Variants in DST observed in about 807,000 individuals in gnomAD.
DST encodes the protein dystonin, also known as bullous pemphigoid antigen.
In DST, 253 loss-of-function variants were observed where a neutral mutation model predicts 875.2. The ratio of observed to expected loss-of-function variants is 0.29; its 90% CI spans 0.26 to 0.32. The LOEUF (loss-of-function observed/expected upper bound fraction) is 0.32. Among genes scored for constraint, DST ranks in the 10% least tolerant of loss-of-function variants. DST has a pLI of 1.00. For missense variants in DST, 8,287 were observed against 9,111.6 expected (o/e 0.91, Z 3.68); for synonymous variants, 3,124 against 3,197.1 (o/e 0.98, Z 0.77).
In DST at chr6:56,472,234, T is replaced by C. The variant is rs763552868; in HGVS notation, c.21995-12A>G. On this transcript the variant is annotated splice_polypyrimidine_tract_variant and intron_variant, in intron 93 of 103. Transcript: ENST00000680361. ...TGGAAAGCGTTTTCCTGTGAAGGTA[T>C]AACTTCGGTTAGGATGGCAGTTTCC... The C allele has an allele frequency of 6.2e-7, 1 of 1,612,032 alleles. No homozygotes were observed. The highest frequency in any genetic ancestry group is 8.5e-7 in the Non-Finnish European group (1 of 1,178,838).
chr6:56,745,591 C>CA (rs1043585327), intron 4 of DST, among the ~76,000 whole-genome samples: 1 of 151,118 alleles, frequency 6.6e-6, no homozygotes, highest in African/African-American at 2.4e-5. Context: ...AGTCATGAAC[C>CA]AAAAAAAACT....
intron 2 of DST, among the ~76,000 whole-genome samples, chr6:56,913,735 C>T (rs553099950): frequency 1.3e-5 from 2 of 152,296 alleles, no homozygotes; most frequent in African/African-American, 4.8e-5. Context: ...CAGTCAACAA[C>T]CTAGTCTATG....
Position 56,635,035 on chromosome 6 carries a change from C to A in DST, c.3187-82G>T, listed in dbSNP as rs931841821. 2.5e-6 allele frequency: 3 copies of A among 1,208,274 alleles called. No homozygotes were observed. The African/African-American group carries it at 4.5e-5, about 18-fold the overall frequency. The allele number at this position is 1,208,274 out of a possible 1,614,324, so 74.8% of individuals were successfully genotyped here. ...TCAGCACTTTACACAAATTAAACTT[C>A]ATCAGAAAAGTCTTCTCTCTGACTA... On this transcript the variant is annotated intron_variant, in intron 24 of 103. Transcript: ENST00000680361.
chr6:56,466,930 C>T (rs1582142332), intron 98 of DST: 1 of 152,180 alleles, frequency 6.6e-6, no homozygotes, highest in Non-Finnish European at 1.5e-5. Flanking sequence ...ACTGTTGATA[C>T]TAACAGGCAA....
intron 94 of DST, among the ~76,000 whole-genome samples, chr6:56,471,624 A>G (rs940448635): frequency 6.6e-6 from 1 of 152,188 alleles, no homozygotes; most frequent in Non-Finnish European, 1.5e-5. Flanking sequence ...CTCCCTCTGC[A>G]CTATTAGCCA....
intron 59 of DST, 87 bp downstream of exon 59, chr6:56,557,232 C>G: frequency 7.7e-7 from 1 of 1,305,052 alleles, no homozygotes; most frequent in Non-Finnish European, 1.1e-6. Context: ...CACCTACTGA[C>G]CAAAGTTAAT....
chr6:56,916,831 CAGAG>C (rs913142345), intron 2 of DST, among the ~76,000 whole-genome samples: 3 of 119,918 alleles, frequency 2.5e-5, no homozygotes, highest in Non-Finnish European at 5.4e-5. Flanking sequence ...CACAGAGAGA[CAGAG>C]AGAGAAAAGC....
At chr6:56,564,921 T>TA (rs964393601) in intron 55 of DST, among the ~76,000 whole-genome samples, 18 of 152,126 alleles carry the variant, frequency 1.2e-4, no homozygotes, top group African/African-American at 4.3e-4. Flanking sequence ...AAGCCGATTT[T>TA]ATCGTGGTGG....
chr6:56,918,189 T>C (rs1190339102), intron 2 of DST, among the ~76,000 whole-genome samples: 1 of 151,530 alleles, frequency 6.6e-6, no homozygotes, highest in Non-Finnish European at 1.5e-5. Context: ...TGTGGTGGCA[T>C]GATCTTGGCT....
Position 56,458,073 on chromosome 6 carries a change from A to G in DST, c.*932T>C, listed in dbSNP as rs1311315499. 1 of 152,450 alleles carries G rather than the reference A, an allele frequency of 6.6e-6. No homozygotes were observed. The highest frequency in any genetic ancestry group is 6.6e-5 in the Admixed American group (1 of 15,266). 9.4% of individuals were successfully genotyped at this position (152,450 alleles called of 1,614,324 possible). ...GAGTACACATAATAAATTAAAATGT[A>G]TATATTTATTAAATATAGATAGATA... On this transcript the variant is annotated 3_prime_UTR_variant, in exon 104 of 104. Coordinates refer to ENST00000680361, the MANE Select transcript of DST (RefSeq NM_001374736.1).
At chr6:56,627,694 A>G (rs2098746695) in intron 33 of DST, among the ~76,000 whole-genome samples, 2 of 152,178 alleles carry the variant, frequency 1.3e-5, no homozygotes, top group Non-Finnish European at 2.9e-5. Flanking sequence ...CTAGAAAACT[A>G]TTGAGGCCAG....
At chr6:56,536,964 A>G (rs1562633852) in intron 61 of DST, 24 bp from the exon 62 acceptor site, 2 of 1,603,618 alleles carry the variant, frequency 1.2e-6, no homozygotes, top group African/African-American at 1.3e-5. Flanking sequence ...AGTAATAATT[A>G]TATGAGTTAT....
chr6:56,499,550 A>T (rs377237217), intron 80 of DST, among the ~76,000 whole-genome samples: 19 of 152,280 alleles, frequency 1.2e-4, no homozygotes, highest in East Asian at 1.2e-3. Context: ...AAAGCAGGAA[A>T]GGAACGGAAA....
At chr6:56,561,267 T>C in intron 57 of DST, 41 bp downstream of exon 57, 1 of 1,559,178 alleles carries the variant, frequency 6.4e-7, no homozygotes, top group Non-Finnish European at 8.7e-7. Context: ...TGCTAATCCA[T>C]TCTCTTTCAT....
rs371893462 is a variant in DST, at chr6:56,821,334, G to A, written c.625+30063C>T. Among the ~76,000 whole-genome samples, 51 of 152,316 alleles carry A rather than the reference G, an allele frequency of 3.3e-4. No homozygotes were observed. In the East Asian group the frequency reaches 6.9e-3, roughly 21 times the overall value. On this transcript the variant is annotated intron_variant, in intron 4 of 103. Transcript: ENST00000680361. ...CGATTCATGTCAAATTCGTGGCAATGTTTACACAGCACAGAATGAAGCTTG... is the reference window on the plus strand; with the variant it reads ...CGATTCATGTCAAATTCGTGGCAATATTTACACAGCACAGAATGAAGCTTG...
intron 4 of DST, among the ~76,000 whole-genome samples, chr6:56,783,854 G>A (rs145988273): frequency 2.6e-4 from 39 of 152,230 alleles, no homozygotes; most frequent in Admixed American, 5.2e-4. Flanking sequence ...ATTTTGCAGC[G>A]GCTGGTACCT....
chr6:56,631,458 T>C, intron 29 of DST, 69 bp from the exon 30 acceptor site: 1 of 1,259,198 alleles, frequency 7.9e-7, no homozygotes, highest in Non-Finnish European at 1.1e-6. Context: ...TTAAACTAGT[T>C]GAAAAACACA....
chr6:56,921,875 T>C (rs1804429757), intron 2 of DST, among the ~76,000 whole-genome samples: 1 of 152,038 alleles, frequency 6.6e-6, no homozygotes, highest in South Asian at 2.1e-4. Flanking sequence ...CCATAGAAGA[T>C]ACAAAAGAGG....
intron 4 of DST, among the ~76,000 whole-genome samples, chr6:56,764,215 G>GC (rs2099626635): frequency 6.6e-6 from 1 of 151,854 alleles, no homozygotes; most frequent in Non-Finnish European, 1.5e-5. Context: ...TCTCTTCCCA[G>GC]TTTTTCTATG....
Sources: allele counts gnomAD v4.1 joint callset (sites outside exome capture counted in the v4.1 genomes callset), GRCh38; gene constraint gnomAD v4.1.1; transcripts MANE v1.5; gene names NCBI Gene and HGNC (gene_info 2026-07-23, HGNC 2026-07-21).